RRH: variants seen among roughly 807,000 people sequenced by gnomAD.
RRH encodes the protein visual pigment-like receptor peropsin.
Under a neutral mutation model 33.1 loss-of-function variants are expected in RRH, and 36 were observed. The ratio of observed to expected loss-of-function variants is 1.09; its 90% CI spans 0.83 to 1.44. The LOEUF is 1.44. Ranked by LOEUF, RRH falls within the 40% of genes most tolerant of loss-of-function variation. The pLI is 0.00. For synonymous variants in RRH, 124 were observed against 140.2 expected (o/e 0.88, Z 0.82); for missense variants, 393 against 420.2 (o/e 0.94, Z 0.57).
At chr4:109,830,911 G>T (rs927534969) in intron 1 of RRH, among the ~76,000 whole-genome samples, 1 of 152,150 alleles carries the variant, frequency 6.6e-6, no homozygotes, top group Non-Finnish European at 1.5e-5. Context: ...AAGAGTGAAG[G>T]AGAAATCAAC....
intron 1 of RRH, among the ~76,000 whole-genome samples, chr4:109,832,780 A>G (rs992193317): frequency 6.6e-6 from 1 of 152,096 alleles, no homozygotes; most frequent in Non-Finnish European, 1.5e-5. Flanking sequence ...GGAGGAAGTT[A>G]AGCTGACAAA....
At chr4:109,834,391 G>A (rs1195171674) in intron 2 of RRH, among the ~76,000 whole-genome samples, 12 of 148,184 alleles carry the variant, frequency 8.1e-5, no homozygotes, top group South Asian at 4.3e-4. Context: ...GTGCAGTGGC[G>A]TGATCTCCGC....
rs774028833 is a variant in RRH, at chr4:109,842,614, A to T, written c.866A>T (p.Tyr289Phe). The change falls in exon 6 of 7, where the codon TAT becomes TTT. Residue 289 changes from tyrosine to phenylalanine, a missense_variant. Coordinates refer to ENST00000317735, the MANE Select transcript of RRH (RefSeq NM_006583.5). ...CTGTTTGCAAAATCTTCTACATTCT[A>T]TAACCCCTGCATTTATGTGGTTGCT... The part of the protein sequence containing the change: ...APLFAKSSTF[Y>F]NPCIYVVANK... The T allele has an allele frequency of 6.2e-7, 1 of 1,614,042 alleles. No individual in the cohort carries two copies. Among genetic ancestry groups the T allele is most frequent in the African/African-American group, 1.3e-5 (1 of 75,030 alleles).
At chr4:109,843,261 G>A (rs748783382) in intron 6 of RRH, among the ~76,000 whole-genome samples, 7 of 152,214 alleles carry the variant, frequency 4.6e-5, no homozygotes, top group Non-Finnish European at 7.3e-5. Context: ...CACCCAGGCT[G>A]GAGTGCAGTG....
chr4:109,843,051 A>G (rs35386791), intron 6 of RRH, among the ~76,000 whole-genome samples: 70,259 of 152,154 alleles, frequency 0.46, 19,617 homozygotes, highest in Non-Finnish European at 0.63. Context: ...ACAAGGCAAC[A>G]TTGGGCTCAC....
chr4:109,833,238 T>C lies in RRH; in HGVS notation c.206T>C (p.Val69Ala). The C allele has an allele frequency of 6.2e-7, 1 of 1,613,516 alleles. No homozygotes were observed. The highest frequency in any genetic ancestry group is 8.5e-7 in the Non-Finnish European group (1 of 1,179,460). The change falls in exon 2 of 7, where the codon GTT becomes GCT. Residue 69 changes from valine (V) to alanine (A), a missense_variant. Coordinates refer to ENST00000317735, the MANE Select transcript of RRH (RefSeq NM_006583.5). ...AATGCAATTATTATTAACCTGGCTG[T>C]TACTGATATAGGGGTCAGTAGCATT... ...PTNAIIINLA[V>A]TDIGVSSIGY...
At chr4:109,836,490 T>C (rs1168818624) in intron 4 of RRH, among the ~76,000 whole-genome samples, 2 of 152,128 alleles carry the variant, frequency 1.3e-5, no homozygotes, top group Non-Finnish European at 2.9e-5. Context: ...AGGAAAAGGG[T>C]TAATGAAGCT....
At chr4:109,838,037 C>G (rs1336780563) in intron 5 of RRH, among the ~76,000 whole-genome samples, 1 of 152,216 alleles carries the variant, frequency 6.6e-6, no homozygotes, top group Non-Finnish European at 1.5e-5. Context: ...GCCTTGGCCT[C>G]CCAAAATGCT....
At chr4:109,840,042 A>G (rs376899622) in intron 5 of RRH, among the ~76,000 whole-genome samples, 1 of 152,226 alleles carries the variant, frequency 6.6e-6, no homozygotes, top group African/African-American at 2.4e-5. Flanking sequence ...AGGAATTGCC[A>G]CACACAATCT....
In RRH at chr4:109,844,137, T is replaced by C; in HGVS notation, c.954T>C (p.Pro318=). 6.2e-7 allele frequency: 1 copy of C among 1,613,930 alleles called. No homozygotes were observed. Among genetic ancestry groups the C allele is most frequent in the Non-Finnish European group, 8.5e-7 (1 of 1,179,800 alleles). Residue 318 remains proline (P), a synonymous_variant, in exon 7 of 7, where the codon CCT becomes CCC. Transcript: ENST00000317735. ...AATGTCAGACTCACCAAACAATGCC[T>C]GTGACAAGTATTTTACCCATGGATG... ...MFKCQTHQTM[P]VTSILPMDVS...
chr4:109,844,542 T>C lies in RRH; in HGVS notation c.*345T>C, dbSNP rs992823226. 4.2e-5 allele frequency: 7 copies of C among 164,808 alleles called. No individual in the cohort carries two copies. The highest frequency in any genetic ancestry group is 9.3e-5 in the Non-Finnish European group (7 of 75,594). The allele number at this position is 164,808 out of a possible 1,614,324, so 10.2% of individuals were successfully genotyped here. A position where few individuals can be genotyped will look rare whatever the true frequency, so the allele number is the denominator to read the frequency against. ...ATAAAAGCAGTCACTAATTTAATGT[T>C]AGAATAAATGAATAATTCTAGATAA... On this transcript the variant is annotated 3_prime_UTR_variant, in exon 7 of 7. Coordinates refer to ENST00000317735, the MANE Select transcript of RRH (RefSeq NM_006583.5).
rs567024210 is a variant in RRH at position 109,842,515 on chromosome 4, A to G, written c.767A>G (p.Tyr256Cys). 10 of 1,614,052 alleles carry G rather than the reference A, an allele frequency of 6.2e-6. 1 individual carries two copies. In the South Asian group the frequency reaches 9.9e-5, roughly 16 times the overall value. Residue 256 changes from tyrosine (Y) to cysteine (C), a missense_variant, in exon 6 of 7, where the codon TAT becomes TGT. Tyr to Cys is a radical substitution (Grantham distance 194). Coordinates refer to ENST00000317735, the MANE Select transcript of RRH (RefSeq NM_006583.5). ...ICMFLVAWSP[Y>C]SIVCLWASFG... ...ATGTTTCTGGTGGCATGGTCCCCTT[A>G]TTCCATCGTGTGCTTATGGGCTTCT... is the stretch of plus-strand genomic sequence containing the variant.
intron 5 of RRH, among the ~76,000 whole-genome samples, chr4:109,839,930 C>T (rs1309896081): frequency 6.6e-6 from 1 of 152,098 alleles, no homozygotes; most frequent in Non-Finnish European, 1.5e-5. Context: ...AATAAACATA[C>T]ATGTGCATGT....
At chr4:109,837,680 C>T in intron 5 of RRH, 75 bp downstream of exon 5, 1 of 1,115,172 alleles carries the variant, frequency 9.0e-7, no homozygotes, top group South Asian at 1.3e-5. Flanking sequence ...GTCCCTGGGA[C>T]CACCGCAGTC....
intron 5 of RRH, among the ~76,000 whole-genome samples, chr4:109,839,409 T>C (rs1227395823): frequency 6.6e-6 from 1 of 152,242 alleles, no homozygotes; most frequent in Non-Finnish European, 1.5e-5. Context: ...TAACATTTTT[T>C]ACATTCTACT....
chr4:109,834,524 T>C (rs867609962), intron 2 of RRH, among the ~76,000 whole-genome samples: 2 of 149,392 alleles, frequency 1.3e-5, no homozygotes, highest in Non-Finnish European at 3.0e-5. Context: ...TTTTTTTTTT[T>C]AGTAATGACG....
chr4:109,842,770 G>A, intron 6 of RRH, 123 bp downstream of exon 6: 1 of 859,778 alleles, frequency 1.2e-6, no homozygotes, highest in South Asian at 1.4e-5. Context: ...TTTGCCTCAT[G>A]TGACTGGAGC....
At chr4:109,838,330 C>T (rs1262587471) in intron 5 of RRH, among the ~76,000 whole-genome samples, 1 of 152,112 alleles carries the variant, frequency 6.6e-6, no homozygotes, top group Non-Finnish European at 1.5e-5. Context: ...GAACCTTATC[C>T]TCTTCTTGGA....
At chr4:109,835,145 T>A (rs1423562699) in intron 2 of RRH, among the ~76,000 whole-genome samples, 1 of 152,208 alleles carries the variant, frequency 6.6e-6, no homozygotes, top group East Asian at 1.9e-4. Flanking sequence ...CTGTAAGTCT[T>A]AAAATTTTCA....
Sources: allele counts gnomAD v4.1 joint callset (sites outside exome capture counted in the v4.1 genomes callset), GRCh38; gene constraint gnomAD v4.1.1; transcripts MANE v1.5; gene names NCBI Gene and HGNC (gene_info 2026-07-23, HGNC 2026-07-21).